The following SPATA17 variants were observed in gnomAD, a reference collection of about 807,000 sequenced individuals.
SPATA17 encodes the protein spermatogenesis associated 17, also known as spermatogenesis-associated protein 17.
SPATA17 carries 53 observed loss-of-function variants against 62.2 expected under a neutral mutation model. That is an observed-to-expected ratio of 0.85 (90% CI 0.68 to 1.07). SPATA17 has a LOEUF of 1.07. Among genes scored for constraint, SPATA17 ranks in the 50% least tolerant of loss-of-function variants. SPATA17 has a pLI of 0.00. For missense variants in SPATA17, 466 were observed against 425.5 expected, an observed-to-expected ratio of 1.10 and a Z score of -0.84; for synonymous variants, 146 against 146.8, an observed-to-expected ratio of 0.99 and a Z score of 0.04.
At chr1:217,662,646 C>A (rs1240930822) in intron 3 of SPATA17, among the ~76,000 whole-genome samples, 1 of 152,058 alleles carries the variant, frequency 6.6e-6, no homozygotes, top group African/African-American at 2.4e-5. Flanking sequence ...CATGTACCAT[C>A]AAATTCCATT....
rs201848509 is a variant in SPATA17 at position 217,841,083 on chromosome 1, T to TTA, written c.1006-21681_1006-21680dup. On this transcript the variant is annotated intron_variant, in intron 9 of 10. Transcript: ENST00000366933. ...TTTCATAATTCTTACAATAGAATAC[T>TTA]TATATATATATGTTTAAGTGGTAAA... 5.7e-4 allele frequency among the ~76,000 whole-genome samples: 87 copies of TTA among 151,888 alleles called. 1 individual carries two copies. Among genetic ancestry groups the TTA allele is most frequent in the Admixed American group, 7.9e-4 (12 of 15,222 alleles).
intron 9 of SPATA17, among the ~76,000 whole-genome samples, chr1:217,823,302 T>C (rs1037449655): frequency 1.3e-5 from 2 of 152,002 alleles, no homozygotes; most frequent in African/African-American, 4.8e-5. Context: ...TGCCCTTTAC[T>C]CAGTCCAGAA....
At chr1:217,672,150 G>A (rs1670845719) in intron 4 of SPATA17, among the ~76,000 whole-genome samples, 1 of 152,212 alleles carries the variant, frequency 6.6e-6, no homozygotes, top group Non-Finnish European at 1.5e-5. Context: ...AGACCAGTGT[G>A]TGGCCCAGAT....
rs573437994 is a variant in SPATA17, at chr1:217,833,144, C to G, written c.1006-29630C>G. Among the ~76,000 whole-genome samples the G allele has an allele frequency of 8.3e-4, 126 of 152,064 alleles. 1 individual carries two copies. The highest frequency in any genetic ancestry group is 1.5e-3 in the Non-Finnish European group (101 of 67,976). On this transcript the variant is annotated intron_variant, in intron 9 of 10. Coordinates refer to ENST00000366933, the MANE Select transcript of SPATA17 (RefSeq NM_138796.4). ...TGACCTCATAAGAGATGACAGTATG[C>G]TTAGTTTTGGTTTTTAAAAGTCAGA... is the stretch of plus-strand genomic sequence containing the variant.
chr1:217,795,859 CAT>C (rs1674140726), intron 8 of SPATA17, among the ~76,000 whole-genome samples: 1 of 152,070 alleles, frequency 6.6e-6, no homozygotes, highest in Non-Finnish European at 1.5e-5. Context: ...AGTGCAGTGG[CAT>C]GATCGTGACT....
chr1:217,682,080 G>A (rs998489004), intron 4 of SPATA17, among the ~76,000 whole-genome samples: 1 of 152,090 alleles, frequency 6.6e-6, no homozygotes, highest in Non-Finnish European at 1.5e-5. Flanking sequence ...TTTTAGGAAT[G>A]ATGCTAAATC....
chr1:217,703,321 A>C (rs1671647217), intron 5 of SPATA17, among the ~76,000 whole-genome samples: 1 of 151,266 alleles, frequency 6.6e-6, no homozygotes, highest in Admixed American at 6.6e-5. Flanking sequence ...ACAGGCACCC[A>C]CCACCATGCC....
chr1:217,742,970 T>A (rs1023363252), intron 6 of SPATA17, among the ~76,000 whole-genome samples: 8 of 145,396 alleles, frequency 5.5e-5, no homozygotes, highest in South Asian at 4.3e-4. Context: ...ATATATATAT[T>A]AAATCCTGGG....
At chr1:217,632,138 G>A (rs1302398396) in intron 1 of SPATA17, among the ~76,000 whole-genome samples, 1 of 152,038 alleles carries the variant, frequency 6.6e-6, no homozygotes, top group African/African-American at 2.4e-5. Flanking sequence ...ACCCGACATT[G>A]TACCACTGCA....
chr1:217,722,480 A>G (rs1672155475), intron 5 of SPATA17, among the ~76,000 whole-genome samples: 2 of 152,102 alleles, frequency 1.3e-5, no homozygotes, highest in Non-Finnish European at 2.9e-5. Context: ...TAAAAATACA[A>G]ATAGCAAACA....
intron 9 of SPATA17, among the ~76,000 whole-genome samples, chr1:217,815,983 G>T (rs527652828): frequency 2.0e-5 from 3 of 152,158 alleles, no homozygotes; most frequent in South Asian, 2.1e-4. Context: ...TTATCGAACT[G>T]CTCTGAAGCA....
chr1:217,869,116 T>C lies in SPATA17; in HGVS notation c.*2097T>C, dbSNP rs1676079154. 6.6e-6 allele frequency: 1 copy of C among 152,268 alleles called. No homozygotes were observed. The allele number at this position is 152,268 out of a possible 1,614,324, so 9.4% of individuals were successfully genotyped here. On this transcript the variant is annotated 3_prime_UTR_variant, in exon 11 of 11. Coordinates refer to ENST00000366933, the MANE Select transcript of SPATA17 (RefSeq NM_138796.4). ...AAGCTATACAACTTGGTTTTATACA[T>C]TTTAAGGAGACATAAGACATCAATA...
intron 5 of SPATA17, among the ~76,000 whole-genome samples, chr1:217,707,188 T>A (rs1671756833): frequency 6.6e-6 from 1 of 152,166 alleles, no homozygotes; most frequent in Non-Finnish European, 1.5e-5. Context: ...TTTTTGTGGC[T>A]ATTGTTAATG....
At chr1:217,811,735 A>C (rs1424022786) in intron 9 of SPATA17, among the ~76,000 whole-genome samples, 4 of 151,968 alleles carry the variant, frequency 2.6e-5, no homozygotes, top group African/African-American at 9.7e-5. Context: ...GGTGGCTAGC[A>C]TAATCTGTAC....
At chr1:217,748,212 A>G (rs932606372) in intron 6 of SPATA17, among the ~76,000 whole-genome samples, 1 of 151,342 alleles carries the variant, frequency 6.6e-6, no homozygotes, top group Non-Finnish European at 1.5e-5. Context: ...CTGAGGCAGG[A>G]GAATGGTGTG....
chr1:217,822,347 C>G (rs1380685955), intron 9 of SPATA17, among the ~76,000 whole-genome samples: 1 of 151,538 alleles, frequency 6.6e-6, no homozygotes, highest in Non-Finnish European at 1.5e-5. Flanking sequence ...TTATTGACCA[C>G]TTGCTCTTTT....
rs1676031039 is a variant in SPATA17 at position 217,867,126 on chromosome 1, T to C, written c.*107T>C. ...AGGAAATATACTTGCTATGATTCAA[T>C]AAACTATAAAATTTTGTAGCTCTAG... On this transcript the variant is annotated 3_prime_UTR_variant, in exon 11 of 11. Transcript: ENST00000366933. 1 of 152,230 alleles carries C rather than the reference T, an allele frequency of 6.6e-6. No individual in the cohort carries two copies. Among genetic ancestry groups the C allele is most frequent in the African/African-American group, 2.4e-5 (1 of 41,474 alleles). 9.4% of individuals were successfully genotyped at this position (152,230 alleles called of 1,614,324 possible).
chr1:217,649,405 G>T (rs1313168585), intron 2 of SPATA17, among the ~76,000 whole-genome samples: 2 of 152,188 alleles, frequency 1.3e-5, no homozygotes, highest in African/African-American at 4.8e-5. Flanking sequence ...CTTGAACCCG[G>T]AAGGCGAAGT....
intron 3 of SPATA17, among the ~76,000 whole-genome samples, chr1:217,661,660 A>C (rs759006929): frequency 2.0e-5 from 3 of 152,044 alleles, no homozygotes; most frequent in Non-Finnish European, 4.4e-5. Flanking sequence ...TGCTATATCT[A>C]GCAACATAAC....
Sources: gnomAD v4.1 joint callset for allele counts (sites outside exome capture counted in the v4.1 genomes callset) on GRCh38, gnomAD v4.1.1 for gene constraint, MANE v1.5 for transcripts, NCBI Gene and HGNC (gene_info 2026-07-23, HGNC 2026-07-21) for gene names.